The following SLX4IP variants were observed in gnomAD, a reference collection of about 807,000 sequenced individuals.
SLX4IP encodes the protein protein SLX4IP.
In SLX4IP, 34 loss-of-function variants were observed where a neutral mutation model predicts 32.9. That is an observed-to-expected ratio of 1.03 (90% confidence interval 0.79 to 1.38). SLX4IP has a LOEUF of 1.38. Ranked by LOEUF, SLX4IP falls within the 40% of genes most tolerant of loss-of-function variation. SLX4IP has a pLI of 0.00. For synonymous variants in SLX4IP, 172 were observed against 171.7 expected, an observed-to-expected ratio of 1.00 and a Z score of -0.01; for missense variants, 444 against 479.0, an observed-to-expected ratio of 0.93 and a Z score of 0.68.
intron 1 of SLX4IP, among the ~76,000 whole-genome samples, chr20:10,454,274 T>G (rs1304838598): frequency 2.6e-5 from 4 of 152,230 alleles, no homozygotes; most frequent in Non-Finnish European, 4.4e-5. Context: ...GCCATCTGTT[T>G]AGGCTGTTCC....
chr20:10,624,455 A>G lies in SLX4IP; in HGVS notation c.*1076A>G, dbSNP rs1197953331. On this transcript the variant is annotated 3_prime_UTR_variant, in exon 8 of 8. Transcript: ENST00000334534. ...GATGAAATGTCACATAGTGAATTGT[A>G]GCAATGACTTATTTTGGATGGACAC... The G allele has an allele frequency of 6.6e-6, 1 of 152,242 alleles. No homozygotes were observed. The highest frequency in any genetic ancestry group is 1.5e-5 in the Non-Finnish European group (1 of 68,046). The allele number at this position is 152,242 out of a possible 1,614,324, so 9.4% of individuals were successfully genotyped here.
intron 1 of SLX4IP, among the ~76,000 whole-genome samples, chr20:10,446,899 TTTC>T (rs140176569): frequency 0.49 from 74,226 of 151,680 alleles, 19,590 homozygotes; most frequent in Non-Finnish European, 0.6. Context: ...TTCTCCCAGT[TTTC>T]TTAGAAAAGT....
At chr20:10,501,177 A>G (rs536448469) in intron 2 of SLX4IP, among the ~76,000 whole-genome samples, 1 of 152,340 alleles carries the variant, frequency 6.6e-6, no homozygotes, top group East Asian at 1.9e-4. Context: ...GGTGAAAAAC[A>G]TTGTAGTTAT....
At chr20:10,471,847 A>C (rs2065427293) in intron 2 of SLX4IP, among the ~76,000 whole-genome samples, 1 of 152,182 alleles carries the variant, frequency 6.6e-6, no homozygotes, top group Non-Finnish European at 1.5e-5. Flanking sequence ...AGTTCTTCTC[A>C]ATGATACCCT....
intron 4 of SLX4IP, among the ~76,000 whole-genome samples, chr20:10,575,238 A>G (rs751817446): frequency 2.0e-5 from 3 of 152,152 alleles, no homozygotes; most frequent in African/African-American, 7.2e-5. Flanking sequence ...AACGATGACA[A>G]CTGGATGGGA....
rs1206543678 is a variant in SLX4IP at position 10,627,419 on chromosome 20, T to C, written c.*4040T>C. 6 of 152,226 alleles carry C rather than the reference T, an allele frequency of 3.9e-5. No individual in the cohort carries two copies. Among genetic ancestry groups the C allele is most frequent in the Non-Finnish European group, 2.9e-5 (2 of 68,032 alleles). 9.4% of individuals were successfully genotyped at this position (152,226 alleles called of 1,614,324 possible). A position where few individuals can be genotyped will look rare whatever the true frequency, so the allele number is the denominator to read the frequency against. Reference sequence around the variant, plus strand: ...ATAAATTAAGCATTGTAAAACGAAGTTAATTCAGGTAATTACTCAGTACAG... The same window carrying C: ...ATAAATTAAGCATTGTAAAACGAAGCTAATTCAGGTAATTACTCAGTACAG... On this transcript the variant is annotated 3_prime_UTR_variant, in exon 8 of 8. Transcript: ENST00000334534.
At chr20:10,578,623 G>C (rs758048462) in intron 4 of SLX4IP, among the ~76,000 whole-genome samples, 26 of 152,144 alleles carry the variant, frequency 1.7e-4, no homozygotes, top group Non-Finnish European at 3.2e-4. Flanking sequence ...GGGTCATTCT[G>C]TACCTGTATG....
At chr20:10,452,439 G>T (rs538119967) in intron 1 of SLX4IP, among the ~76,000 whole-genome samples, 3 of 152,130 alleles carry the variant, frequency 2.0e-5, no homozygotes, top group Admixed American at 1.3e-4. Flanking sequence ...GCCGAGGTGG[G>T]CGGATCACCT....
chr20:10,537,998 G>A lies in SLX4IP; in HGVS notation c.28-18233G>A, dbSNP rs531545765. On this transcript the variant is annotated intron_variant, in intron 2 of 7. Transcript: ENST00000334534. ...TTTATAGAGCTGGGGTAGTTTGTCA[G>A]CTGGCCAGGTGATGAATCATGGAAT... Among the ~76,000 whole-genome samples the A allele has an allele frequency of 1.4e-4, 21 of 152,278 alleles. No homozygotes were observed. The East Asian group carries it at 4.0e-3, about 29-fold the overall frequency.
chr20:10,601,642 TA>T (rs1358795564), intron 5 of SLX4IP, 88 bp from the exon 6 acceptor site: 1 of 1,046,376 alleles, frequency 9.6e-7, no homozygotes, highest in African/African-American at 1.6e-5. Context: ...CATATTGCAG[TA>T]ACTTAAAATG....
At chr20:10,522,852 G>T (rs2065911228) in intron 2 of SLX4IP, among the ~76,000 whole-genome samples, 1 of 152,138 alleles carries the variant, frequency 6.6e-6, no homozygotes, top group African/African-American at 2.4e-5. Flanking sequence ...CTGAGGAAGG[G>T]GGTCCCACCA....
chr20:10,464,983 A>G (rs563827533), intron 2 of SLX4IP, among the ~76,000 whole-genome samples: 20 of 151,488 alleles, frequency 1.3e-4, no homozygotes, highest in Admixed American at 4.6e-4. Flanking sequence ...AGAGTTGAAG[A>G]CTCTTCTGAG....
At chr20:10,511,472 A>G (rs2065807570) in intron 2 of SLX4IP, among the ~76,000 whole-genome samples, 2 of 152,206 alleles carry the variant, frequency 1.3e-5, no homozygotes, top group Non-Finnish European at 2.9e-5. Context: ...CCTTAAGTTG[A>G]GCTGAAAGCT....
chr20:10,457,568 G>A (rs543039149), intron 1 of SLX4IP, among the ~76,000 whole-genome samples: 4 of 151,550 alleles, frequency 2.6e-5, no homozygotes, highest in South Asian at 4.1e-4. Context: ...CAACTTGATC[G>A]TGGTGTATAA....
chr20:10,570,894 G>A (rs857001), intron 4 of SLX4IP, among the ~76,000 whole-genome samples: 89,031 of 151,996 alleles, frequency 0.59, 26,557 homozygotes, highest in South Asian at 0.76. Flanking sequence ...CAGTGGAACA[G>A]TCGTGGCTCA....
chr20:10,499,024 C>T (rs184734064), intron 2 of SLX4IP, among the ~76,000 whole-genome samples: 264 of 152,220 alleles, frequency 1.7e-3, no homozygotes, highest in African/African-American at 6.0e-3. Flanking sequence ...TAAAATATCT[C>T]TACTCCCTAC....
intron 2 of SLX4IP, among the ~76,000 whole-genome samples, chr20:10,505,828 T>A (rs1161077466): frequency 6.6e-6 from 1 of 152,060 alleles, no homozygotes; most frequent in Non-Finnish European, 1.5e-5. Flanking sequence ...TTCAAAAATA[T>A]ATTAAAATTA....
At chr20:10,449,326 A>G (rs1275274789) in intron 1 of SLX4IP, among the ~76,000 whole-genome samples, 6 of 152,204 alleles carry the variant, frequency 3.9e-5, no homozygotes, top group African/African-American at 1.4e-4. Context: ...TTCATTAACT[A>G]TAGAGTTTCT....
chr20:10,481,236 C>T (rs2065518394), intron 2 of SLX4IP, among the ~76,000 whole-genome samples: 1 of 152,004 alleles, frequency 6.6e-6, no homozygotes, highest in Non-Finnish European at 1.5e-5. Flanking sequence ...CTAAGTTTTA[C>T]TGTTAAAGGA....
Sources: allele counts gnomAD v4.1 joint callset (sites outside exome capture counted in the v4.1 genomes callset), GRCh38; gene constraint gnomAD v4.1.1; transcripts MANE v1.5; gene names NCBI Gene and HGNC (gene_info 2026-07-23, HGNC 2026-07-21).